The following ARHGAP32 variants were observed in gnomAD, a reference collection of about 807,000 sequenced individuals.
The protein encoded by ARHGAP32 is Rho GTPase activating protein 32, also known as rho GTPase-activating protein 32.
Under a neutral mutation model 186.5 loss-of-function variants are expected in ARHGAP32, and 51 were observed. That is an observed-to-expected ratio of 0.27 (90% CI 0.22 to 0.35). The LOEUF (loss-of-function observed/expected upper bound fraction) is 0.35. Among genes scored for constraint, ARHGAP32 ranks in the 10% least tolerant of loss-of-function variants. ARHGAP32 has a pLI of 1.00. For missense variants in ARHGAP32, 2,186 were observed against 2,623.5 expected (o/e 0.83, Z 3.64); for synonymous variants, 950 against 964.3 (o/e 0.99, Z 0.27).
intron 5 of ARHGAP32, among the ~76,000 whole-genome samples, chr11:129,096,451 A>G (rs1227879924): frequency 1.3e-5 from 2 of 152,134 alleles, no homozygotes; most frequent in Non-Finnish European, 2.9e-5. Flanking sequence ...TTCCAAGGGA[A>G]GGCTTGGATG....
chr11:129,138,411 T>C (rs1314145497), intron 2 of ARHGAP32, among the ~76,000 whole-genome samples: 1 of 151,988 alleles, frequency 6.6e-6, no homozygotes, highest in East Asian at 1.9e-4. Flanking sequence ...GAACAGTTCA[T>C]CCATTTCAGG....
chr11:129,142,619 A>G (rs1351890256), intron 2 of ARHGAP32, among the ~76,000 whole-genome samples: 1 of 152,182 alleles, frequency 6.6e-6, no homozygotes, highest in Non-Finnish European at 1.5e-5. Flanking sequence ...AAAATCAGAA[A>G]TAATATCACC....
chr11:129,199,707 T>C (rs1216228698), intron 1 of ARHGAP32, among the ~76,000 whole-genome samples: 3 of 152,130 alleles, frequency 2.0e-5, no homozygotes, highest in African/African-American at 7.2e-5. Flanking sequence ...AGAAGGAAAA[T>C]GTGGGGTTGA....
At chr11:128,975,127 T>C in intron 20 of ARHGAP32, 125 bp from the exon 21 acceptor site, 1 of 784,466 alleles carries the variant, frequency 1.3e-6, no homozygotes, top group Middle Eastern at 3.4e-4. Flanking sequence ...TCTCATTTTC[T>C]TTCTGAAAAT....
intron 1 of ARHGAP32, among the ~76,000 whole-genome samples, chr11:129,215,604 AC>A (rs1308555695): frequency 6.6e-6 from 1 of 151,748 alleles, no homozygotes; most frequent in East Asian, 1.9e-4. Flanking sequence ...TTGGCTCATG[AC>A]CCCTCCCTCA....
intron 11 of ARHGAP32, among the ~76,000 whole-genome samples, chr11:129,029,756 C>A (rs976822364): frequency 7.4e-6 from 1 of 134,336 alleles, no homozygotes; most frequent in Non-Finnish European, 1.5e-5. Flanking sequence ...GAGCCGAGAT[C>A]GCACCACTGC....
At chr11:129,066,665 C>T in intron 7 of ARHGAP32, 66 bp downstream of exon 7, 4 of 1,491,636 alleles carry the variant, frequency 2.7e-6, no homozygotes, top group Non-Finnish European at 3.6e-6. Flanking sequence ...GTTTAGTATA[C>T]AGACAAAAAC....
chr11:129,107,463 T>C (rs910881786), intron 5 of ARHGAP32, among the ~76,000 whole-genome samples: 1 of 152,202 alleles, frequency 6.6e-6, no homozygotes, highest in South Asian at 2.1e-4. Flanking sequence ...ACTTTTTGCT[T>C]TCTATGTTAT....
chr11:128,970,444 G>T lies in ARHGAP32; in HGVS notation c.4769C>A (p.Pro1590Gln). 1 of 1,614,166 alleles carries T rather than the reference G, an allele frequency of 6.2e-7. No individual in the cohort carries two copies. Among genetic ancestry groups the T allele is most frequent in the Admixed American group, 1.7e-5 (1 of 60,020 alleles). ...RNTCYPEDIPPYPTIRRVQSL... is the reference protein window; with the variant it reads ...RNTCYPEDIPQYPTIRRVQSL... ...CTGCACTCTCCGGATGGTAGGGTACGGTGGAATGTCTTCGGGGTAACAGGT... is the reference window on the plus strand; with the variant it reads ...CTGCACTCTCCGGATGGTAGGGTACTGTGGAATGTCTTCGGGGTAACAGGT... Residue 1590 changes from proline (P) to glutamine (Q), a missense_variant, in exon 23 of 23, where the codon CCG (proline) becomes CAG (glutamine). Pro to Gln is a moderately conservative substitution (Grantham distance 76, BLOSUM62 -1). Transcript: ENST00000682385. The surrounding 1 kb of genome is among the most constrained non-coding windows in gnomAD (Gnocchi z 5.8).
intron 1 of ARHGAP32, among the ~76,000 whole-genome samples, chr11:129,264,223 G>A (rs540673847): frequency 6.6e-6 from 1 of 152,294 alleles, no homozygotes; most frequent in Admixed American, 6.5e-5. Flanking sequence ...GTAGAATGTG[G>A]TTACTGGGCC....
At chr11:129,168,565 T>A (rs1943685957) in intron 1 of ARHGAP32, among the ~76,000 whole-genome samples, 1 of 152,118 alleles carries the variant, frequency 6.6e-6, no homozygotes, top group Non-Finnish European at 1.5e-5. Context: ...AAATCCACTA[T>A]CACCGTTGTA....
At position 129,075,554 on chromosome 11, in the gene ARHGAP32, TAAG is replaced by T. The variant is rs552501981; in HGVS notation, c.532-8689_532-8687del. Among the ~76,000 whole-genome samples, 668 of 152,218 alleles carry T rather than the reference TAAG, an allele frequency of 4.4e-3. 12 individuals carry two copies. The highest frequency in any genetic ancestry group is 7.1e-3 in the Non-Finnish European group (485 of 68,008). Reference sequence around the variant, plus strand: ...AGTTGTAATTATTTAACACCCTCTATAAGAAATTATTTAACACCCCCCTATTAG... The same window carrying T: ...AGTTGTAATTATTTAACACCCTCTATAAATTATTTAACACCCCCCTATTAG... On this transcript the variant is annotated intron_variant, in intron 6 of 22. Coordinates refer to ENST00000682385, the MANE Select transcript of ARHGAP32 (RefSeq NM_001378024.1).
intron 5 of ARHGAP32, among the ~76,000 whole-genome samples, chr11:129,120,899 T>C (rs1009526707): frequency 6.6e-6 from 1 of 152,134 alleles, no homozygotes; most frequent in African/African-American, 2.4e-5. Flanking sequence ...AACCTACTGA[T>C]TTATACTAGA....
At chr11:129,107,801 G>C (rs1942090036) in intron 5 of ARHGAP32, among the ~76,000 whole-genome samples, 1 of 150,786 alleles carries the variant, frequency 6.6e-6, no homozygotes, top group African/African-American at 2.4e-5. Flanking sequence ...CCAGGAGGCG[G>C]AGGTTGCAGT....
intron 6 of ARHGAP32, among the ~76,000 whole-genome samples, chr11:129,076,417 G>C (rs377015637): frequency 1.4e-4 from 21 of 152,186 alleles, no homozygotes; most frequent in Non-Finnish European, 2.2e-4. Context: ...CTTGGGGTCT[G>C]GATCAGGACC....
At chr11:129,204,244 C>G (rs925679586) in intron 1 of ARHGAP32, among the ~76,000 whole-genome samples, 1 of 151,686 alleles carries the variant, frequency 6.6e-6, no homozygotes, top group Non-Finnish European at 1.5e-5. Context: ...TCCTGCTCAC[C>G]GCTGTAACTG....
At chr11:129,002,895 G>A (rs532308061) in intron 11 of ARHGAP32, among the ~76,000 whole-genome samples, 4 of 135,964 alleles carry the variant, frequency 2.9e-5, no homozygotes, top group East Asian at 2.3e-4. Context: ...TGCAAGCTCC[G>A]CCTCCCGGGT....
intron 1 of ARHGAP32, among the ~76,000 whole-genome samples, chr11:129,229,681 T>C (rs182337450): frequency 1.3e-5 from 2 of 152,298 alleles, no homozygotes; most frequent in Admixed American, 1.3e-4. Flanking sequence ...AAAACCACGA[T>C]ATATCTGAAT....
At chr11:128,991,707 T>C (rs977175376) in intron 12 of ARHGAP32, among the ~76,000 whole-genome samples, 1 of 152,180 alleles carries the variant, frequency 6.6e-6, no homozygotes, top group Non-Finnish European at 1.5e-5. Flanking sequence ...ATTCTCCACA[T>C]AATACACTTC....
Sources: allele counts gnomAD v4.1 joint callset (sites outside exome capture counted in the v4.1 genomes callset), GRCh38; gene constraint gnomAD v4.1.1; non-coding constraint Gnocchi (gnomAD v3.1); transcripts MANE v1.5; gene names NCBI Gene and HGNC (gene_info 2026-07-23, HGNC 2026-07-21).